The following TBC1D19 variants were observed in gnomAD, a reference collection of about 807,000 sequenced individuals.
TBC1D19 encodes TBC1 domain family, member 19.
Under a neutral mutation model 89.0 loss-of-function variants are expected in TBC1D19, and 60 were observed. That is an observed-to-expected ratio of 0.67 (90% CI 0.55 to 0.84). The LOEUF (loss-of-function observed/expected upper bound fraction) is 0.84, where lower values mean the gene tolerates loss of function less well. Among genes scored for constraint, TBC1D19 ranks in the 40% least tolerant of loss-of-function variants. The pLI, the probability that TBC1D19 is intolerant of heterozygous loss-of-function variation, is 0.00. For synonymous variants in TBC1D19, 189 were observed against 199.7 expected, an observed-to-expected ratio of 0.95 and a Z score of 0.45; for missense variants, 500 against 610.8, an observed-to-expected ratio of 0.82 and a Z score of 1.91.
intron 16 of TBC1D19, among the ~76,000 whole-genome samples, chr4:26,735,963 TCAA>T (rs1266839658): frequency 6.8e-6 from 1 of 147,294 alleles, no homozygotes; most frequent in Non-Finnish European, 1.5e-5. Context: ...GTAAACTAGT[TCAA>T]CCATTGTGGA....
chr4:26,751,142 C>A (rs1195971147), intron 19 of TBC1D19, among the ~76,000 whole-genome samples: 1 of 152,132 alleles, frequency 6.6e-6, no homozygotes, highest in African/African-American at 2.4e-5. Flanking sequence ...TGTGGAAGGG[C>A]TGGGCAAACC....
chr4:26,742,498 T>C lies in TBC1D19; in HGVS notation c.1228-10T>C. On this transcript the variant is annotated splice_polypyrimidine_tract_variant and intron_variant, in intron 17 of 20. Transcript: ENST00000264866. ...TATCTATTTCTCTTATGATTCATTATTGTATCCAGGGTATTGTGTCACTCT... is the reference window on the plus strand; with the variant it reads ...TATCTATTTCTCTTATGATTCATTACTGTATCCAGGGTATTGTGTCACTCT... 1 of 1,580,614 alleles carries C rather than the reference T, an allele frequency of 6.3e-7. No individual in the cohort carries two copies. The highest frequency in any genetic ancestry group is 8.6e-7 in the Non-Finnish European group (1 of 1,162,022).
chr4:26,741,025 C>A, intron 17 of TBC1D19: 1 of 876,528 alleles, frequency 1.1e-6, no homozygotes, highest in Non-Finnish European at 1.4e-6. Flanking sequence ...AATATTTAAT[C>A]TGGAATAATC....
At chr4:26,666,025 T>C (rs1711775820) in intron 8 of TBC1D19, among the ~76,000 whole-genome samples, 2 of 151,990 alleles carry the variant, frequency 1.3e-5, no homozygotes, top group Admixed American at 1.3e-4. Flanking sequence ...AAACATTATA[T>C]GTTTGTGTCT....
At chr4:26,655,065 TTTTG>T (rs1257927377) in intron 7 of TBC1D19, among the ~76,000 whole-genome samples, 7 of 152,322 alleles carry the variant, frequency 4.6e-5, no homozygotes, top group African/African-American at 1.7e-4. Context: ...TGGATGTCCT[TTTTG>T]TTTGTTAGTT....
rs572573612 is a variant in TBC1D19, at chr4:26,622,387, A to AT, written c.294+1710dup. 6.0e-3 allele frequency among the ~76,000 whole-genome samples: 905 copies of AT among 149,850 alleles called. 6 individuals carry two copies. Among genetic ancestry groups the AT allele is most frequent in the Middle Eastern group, 0.01 (3 of 286 alleles). On this transcript the variant is annotated intron_variant, in intron 4 of 20. Coordinates refer to ENST00000264866, the MANE Select transcript of TBC1D19 (RefSeq NM_018317.4). Reference sequence around the variant, plus strand: ...ACTAGGTGTAAGAAACAAAACATAAATTTTTTTTTTTAAATCATGACTGAA... The same window carrying AT: ...ACTAGGTGTAAGAAACAAAACATAAATTTTTTTTTTTTAAATCATGACTGAA...
chr4:26,664,702 A>C (rs1008133270), intron 8 of TBC1D19, among the ~76,000 whole-genome samples: 1 of 151,606 alleles, frequency 6.6e-6, no homozygotes, highest in Non-Finnish European at 1.5e-5. Context: ...GAGGGGACGC[A>C]AAGGGGATTG....
chr4:26,742,396 A>G (rs111281510), intron 17 of TBC1D19, 112 bp from the exon 18 acceptor site: 5 of 872,398 alleles, frequency 5.7e-6, no homozygotes, highest in African/African-American at 3.4e-5. Flanking sequence ...TAAACAGTAT[A>G]AAGAAAATTT....
At chr4:26,653,520 A>G (rs1332087470) in intron 7 of TBC1D19, among the ~76,000 whole-genome samples, 1 of 152,110 alleles carries the variant, frequency 6.6e-6, no homozygotes, top group Non-Finnish European at 1.5e-5. Context: ...GTCTCTTTTT[A>G]GGTGTCTCAG....
chr4:26,740,820 T>C (rs1041153418), intron 17 of TBC1D19: 109 of 985,324 alleles, frequency 1.1e-4, no homozygotes, highest in Non-Finnish European at 1.3e-4. Context: ...TAAATAGCTG[T>C]TCTTTATCCC....
intron 11 of TBC1D19, among the ~76,000 whole-genome samples, chr4:26,682,903 T>TACACTA (rs1365332656): frequency 3.2e-4 from 48 of 152,208 alleles, no homozygotes; most frequent in African/African-American, 1.1e-3. Flanking sequence ...CGTTGTGCAG[T>TACACTA]TAATCAGATT....
the TBC1D19 span, among the ~76,000 whole-genome samples, chr4:26,785,020 A>G: frequency 6.6e-6 from 1 of 152,212 alleles, no homozygotes; most frequent in South Asian, 2.1e-4. Context: ...AGTTCTCCCA[A>G]TATCCACCAA....
intron 13 of TBC1D19, among the ~76,000 whole-genome samples, chr4:26,715,441 G>C (rs1473073417): frequency 6.6e-6 from 1 of 152,046 alleles, no homozygotes; most frequent in African/African-American, 2.4e-5. Flanking sequence ...TGGGTTCCCA[G>C]GGAAGCCAAT....
At chr4:26,764,494 A>G in the TBC1D19 span, among the ~76,000 whole-genome samples, 3 of 152,322 alleles carry the variant, frequency 2.0e-5, no homozygotes, top group South Asian at 6.2e-4. Context: ...TCCTTGCTAT[A>G]AAACTAAGTC....
the TBC1D19 span, among the ~76,000 whole-genome samples, chr4:26,792,220 G>A: frequency 1.3e-5 from 2 of 149,654 alleles, no homozygotes; most frequent in African/African-American, 4.9e-5. Flanking sequence ...CATTTCCATT[G>A]TTGTATAATA....
At chr4:26,586,441 A>G (rs1266269432) in intron 1 of TBC1D19, among the ~76,000 whole-genome samples, 1 of 152,024 alleles carries the variant, frequency 6.6e-6, no homozygotes, top group South Asian at 2.1e-4. Context: ...TATTTTGGCT[A>G]TTCTAGGTCC....
At chr4:26,771,604 G>A in the TBC1D19 span, among the ~76,000 whole-genome samples, 2 of 152,138 alleles carry the variant, frequency 1.3e-5, no homozygotes, top group African/African-American at 4.8e-5. Context: ...CTTATATATG[G>A]TATCTAAATA....
rs1431293510 is a variant in TBC1D19 at position 26,604,284 on chromosome 4, C to T, written c.100-8885C>T. On this transcript the variant is annotated intron_variant, in intron 1 of 20. Coordinates refer to ENST00000264866, the MANE Select transcript of TBC1D19 (RefSeq NM_018317.4). ...TTCTCCTGCCTCAGCCTCCCGAGTA[C>T]TGGGACTACAGGCACTTGCCACCAC... is the stretch of plus-strand genomic sequence containing the variant. Among the ~76,000 whole-genome samples the T allele has an allele frequency of 4.0e-5, 6 of 150,128 alleles. 1 individual carries two copies. Among genetic ancestry groups the T allele is most frequent in the Admixed American group, 3.3e-4 (5 of 15,054 alleles).
chr4:26,616,047 C>A (rs193042656), intron 3 of TBC1D19, among the ~76,000 whole-genome samples: 49 of 152,008 alleles, frequency 3.2e-4, no homozygotes, highest in African/African-American at 1.0e-3. Context: ...TTCTGAATAA[C>A]TCGTTGGGAT....
Sources: gnomAD v4.1 joint callset for allele counts (sites outside exome capture counted in the v4.1 genomes callset) on GRCh38, gnomAD v4.1.1 for gene constraint, MANE v1.5 for transcripts, NCBI Gene and HGNC (gene_info 2026-07-23, HGNC 2026-07-21) for gene names.